Variants in COLEC11 observed in about 807,000 individuals in gnomAD.
The protein encoded by COLEC11 is collectin subfamily member 11, also known as collectin-11.
A neutral mutation model predicts 27.3 loss-of-function variants in COLEC11; 20 were observed. The ratio of observed to expected loss-of-function variants is 0.73; its 90% CI spans 0.51 to 1.06. The LOEUF (loss-of-function observed/expected upper bound fraction) is 1.06, where lower values mean the gene tolerates loss of function less well. COLEC11 is among the 50% of genes least tolerant of loss of function. The pLI is 0.00. For synonymous variants in COLEC11, 163 were observed against 154.7 expected, an observed-to-expected ratio of 1.05 and a Z score of -0.40; for missense variants, 310 against 383.0, an observed-to-expected ratio of 0.81 and a Z score of 1.59.
chr2:3,630,947 G>C (rs983567901), intron 3 of COLEC11, among the ~76,000 whole-genome samples: 1 of 152,156 alleles, frequency 6.6e-6, no homozygotes, highest in African/African-American at 2.4e-5. Flanking sequence ...TTCGTCTTCT[G>C]TTACAATTTT....
At chr2:3,601,372 G>A (rs973165040) in intron 1 of COLEC11, among the ~76,000 whole-genome samples, 4 of 152,074 alleles carry the variant, frequency 2.6e-5, no homozygotes, top group African/African-American at 4.8e-5. Flanking sequence ...TGTGATCACC[G>A]CTCACTGCAG....
intron 3 of COLEC11, among the ~76,000 whole-genome samples, chr2:3,629,689 G>A (rs1171736049): frequency 6.6e-6 from 1 of 152,144 alleles, no homozygotes; most frequent in Non-Finnish European, 1.5e-5. Flanking sequence ...GTATGCATGG[G>A]TATGTCATGT....
intron 3 of COLEC11, among the ~76,000 whole-genome samples, chr2:3,615,067 A>T (rs918842715): frequency 2.6e-5 from 4 of 151,802 alleles, no homozygotes; most frequent in African/African-American, 9.7e-5. Context: ...TGTACCTCAT[A>T]TGCACCCTTT....
At chr2:3,636,444 G>A (rs188796073) in intron 3 of COLEC11, among the ~76,000 whole-genome samples, 5 of 151,858 alleles carry the variant, frequency 3.3e-5, no homozygotes, top group African/African-American at 1.2e-4. Context: ...GACAGAGTAA[G>A]ACTCCATCTC....
intron 3 of COLEC11, among the ~76,000 whole-genome samples, chr2:3,627,328 A>C: frequency 7.4e-6 from 1 of 135,838 alleles, no homozygotes; most frequent in East Asian, 2.3e-4. Flanking sequence ...GACGGGGGGC[A>C]TGACGATGGG....
chr2:3,606,236 C>T lies in COLEC11; in HGVS notation c.130+1766C>T, dbSNP rs1306730384. The T allele has an allele frequency of 1.9e-6, 3 of 1,550,302 alleles. No individual in the cohort carries two copies. The African/African-American group carries it at 4.1e-5, about 21-fold the overall frequency. ...GTCCCTACGGTTGTCTTCCCTGCGC[C>T]CTGCCAGGTCAGTAGCCTGCACTGG... On this transcript the variant is annotated intron_variant, in intron 2 of 6. Transcript: ENST00000349077.
At chr2:3,639,524 T>C (rs2147961165) in intron 4 of COLEC11, among the ~76,000 whole-genome samples, 1 of 152,322 alleles carries the variant, frequency 6.6e-6, no homozygotes, top group Middle Eastern at 3.4e-3. Flanking sequence ...GCGAATGGAA[T>C]TGGAATCTAC....
chr2:3,626,195 A>T, intron 3 of COLEC11: 1 of 976,154 alleles, frequency 1.0e-6, no homozygotes, highest in Non-Finnish European at 1.7e-6. Flanking sequence ...ACAGAACTGG[A>T]GCAGAAGCCC....
chr2:3,607,682 C>T (rs1662840612), intron 2 of COLEC11, among the ~76,000 whole-genome samples: 2 of 152,156 alleles, frequency 1.3e-5, no homozygotes, highest in South Asian at 2.1e-4. Context: ...CTCCTGACCT[C>T]ACGTAATCCA....
Position 3,603,619 on chromosome 2 carries a change from G to A in COLEC11, c.-26-696G>A, listed in dbSNP as rs1237624024. ...GGTGTGAGCCACTGCGCCTGGTCTT[G>A]TTTTCCAAGTTGTAACGCCCTTCAC... is the stretch of plus-strand genomic sequence containing the variant. On this transcript the variant is annotated intron_variant, in intron 1 of 6. Transcript: ENST00000349077. 7.7e-6 allele frequency: 12 copies of A among 1,550,772 alleles called. No individual in the cohort carries two copies. The African/African-American group carries it at 1.4e-4, about 18-fold the overall frequency.
chr2:3,640,288 A>C lies in COLEC11; in HGVS notation c.285A>C (p.Gly95=). The C allele has an allele frequency of 6.2e-7, 1 of 1,600,736 alleles. No individual in the cohort carries two copies. The change falls in exon 5 of 7, where the codon GGA becomes GGC. Residue 95 remains glycine, a synonymous_variant. Coordinates refer to ENST00000349077, the MANE Select transcript of COLEC11 (RefSeq NM_024027.5). The stretch of plus-strand genomic sequence containing the variant: ...GTTTTTTATTTTCAGGTGAGAAAGG[A>C]GATTCCGGTGACATAGGACCCCCTG... The part of the protein sequence containing the change: ...IGPIGSKGEK[G]DSGDIGPPGP...
chr2:3,600,228 C>T (rs1232338079), intron 1 of COLEC11, among the ~76,000 whole-genome samples: 2 of 133,342 alleles, frequency 1.5e-5, no homozygotes, highest in Non-Finnish European at 1.6e-5. Flanking sequence ...GTGCGAGACT[C>T]TGTCTCAAAA....
chr2:3,637,322 C>T (rs3811529), intron 3 of COLEC11, among the ~76,000 whole-genome samples: 93,041 of 152,124 alleles, frequency 0.61, 31,903 homozygotes, highest in East Asian at 0.86. Context: ...GGGGGAAGTG[C>T]ATCTTCCTTT....
intron 2 of COLEC11, chr2:3,605,850 G>A (rs1044930746): frequency 3.0e-5 from 14 of 460,862 alleles, no homozygotes; most frequent in African/African-American, 2.8e-4. Context: ...ACAGCTCGGG[G>A]CCACCCTGCC....
At chr2:3,599,737 A>G (rs1298732120) in intron 1 of COLEC11, among the ~76,000 whole-genome samples, 1 of 152,218 alleles carries the variant, frequency 6.6e-6, no homozygotes, top group East Asian at 1.9e-4. Context: ...TGGCCCCTCC[A>G]TGGCCCAGGG....
chr2:3,630,374 T>A (rs1056798469), intron 3 of COLEC11, among the ~76,000 whole-genome samples: 1 of 152,238 alleles, frequency 6.6e-6, no homozygotes, highest in Non-Finnish European at 1.5e-5. Flanking sequence ...ATAAACTTTA[T>A]TTCTCAATAT....
At position 3,612,268 on chromosome 2, in the gene COLEC11, A is replaced by G. The variant is rs1016305597; in HGVS notation, c.131-1043A>G. Among the ~76,000 whole-genome samples the G allele has an allele frequency of 6.8e-4, 103 of 151,914 alleles. 1 individual carries two copies. The highest frequency in any genetic ancestry group is 8.2e-4 in the Non-Finnish European group (56 of 67,986). On this transcript the variant is annotated intron_variant, in intron 2 of 6. Coordinates refer to ENST00000349077, the MANE Select transcript of COLEC11 (RefSeq NM_024027.5). Reference sequence around the variant, plus strand: ...CCCACGCACACGCATGCACACATGCACACACATGCACACACACTCCCTGTC... The same window carrying G: ...CCCACGCACACGCATGCACACATGCGCACACATGCACACACACTCCCTGTC...
chr2:3,609,027 C>T (rs1404702268), intron 2 of COLEC11, among the ~76,000 whole-genome samples: 4 of 152,256 alleles, frequency 2.6e-5, no homozygotes, highest in Non-Finnish European at 4.4e-5. Flanking sequence ...GGGTTCCCCA[C>T]ACTGCAGGCA....
At position 3,644,148 on chromosome 2, in the gene COLEC11, C is replaced by A; in HGVS notation, c.*30C>A. ...CAGGCTGGGGCTGCCCATTGGGGGC[C>A]CCACATGTCCCTGCAGGGTTGGCAG... is the stretch of plus-strand genomic sequence containing the variant. On this transcript the variant is annotated 3_prime_UTR_variant, in exon 7 of 7. Coordinates refer to ENST00000349077, the MANE Select transcript of COLEC11 (RefSeq NM_024027.5). The A allele has an allele frequency of 6.2e-7, 1 of 1,602,326 alleles. No individual in the cohort carries two copies. Among genetic ancestry groups the A allele is most frequent in the South Asian group, 1.1e-5 (1 of 91,042 alleles).
Sources: gnomAD v4.1 joint callset for allele counts (sites outside exome capture counted in the v4.1 genomes callset) on GRCh38, gnomAD v4.1.1 for gene constraint, MANE v1.5 for transcripts, NCBI Gene and HGNC (gene_info 2026-07-23, HGNC 2026-07-21) for gene names.